The following ABCA13 variants were observed in gnomAD, a reference collection of about 807,000 sequenced individuals.
The protein encoded by ABCA13 is ATP-binding cassette sub-family A member 13.
ABCA13 carries 476 observed loss-of-function variants against 478.7 expected under a neutral mutation model. The observed-to-expected ratio is 0.99, with a 90% CI of 0.92 to 1.07. ABCA13 has a LOEUF of 1.07. ABCA13 is among the 50% of genes least tolerant of loss of function. The pLI is 0.00. For synonymous variants in ABCA13, 2,252 were observed against 2,158.9 expected, an observed-to-expected ratio of 1.04 and a Z score of -1.20; for missense variants, 6,060 against 5,910.6, an observed-to-expected ratio of 1.03 and a Z score of -0.83.
At chr7:48,540,797 G>A (rs971837746) in intron 55 of ABCA13, among the ~76,000 whole-genome samples, 1 of 151,980 alleles carries the variant, frequency 6.6e-6, no homozygotes, top group Non-Finnish European at 1.5e-5. Context: ...CTGTAGTTTG[G>A]CTCAGAGCAT....
chr7:48,403,929 A>G lies in ABCA13; in HGVS notation c.12070+50A>G, dbSNP rs201634311. On this transcript the variant is annotated intron_variant, in intron 39 of 61. Coordinates refer to ENST00000435803, the MANE Select transcript of ABCA13 (RefSeq NM_152701.5). ...TTCTCTTCCCACAATATTGTGTTGCAGGAAATGCATTGCTACTGTACAGTA... is the reference window on the plus strand; with the variant it reads ...TTCTCTTCCCACAATATTGTGTTGCGGGAAATGCATTGCTACTGTACAGTA... The G allele has an allele frequency of 5.4e-4, 851 of 1,565,860 alleles. 1 individual carries two copies. Among genetic ancestry groups the G allele is most frequent in the Admixed American group, 7.4e-4 (40 of 54,362 alleles).
intron 15 of ABCA13, among the ~76,000 whole-genome samples, chr7:48,252,134 C>T (rs541574457): frequency 2.0e-5 from 3 of 152,148 alleles, no homozygotes; most frequent in South Asian, 2.1e-4. Context: ...CTCTTTTTCT[C>T]GTCTTCTGCA....
chr7:48,394,340 G>C (rs1321010256), intron 38 of ABCA13, among the ~76,000 whole-genome samples: 2 of 152,114 alleles, frequency 1.3e-5, no homozygotes, highest in African/African-American at 4.8e-5. Flanking sequence ...CTGGTCTTAT[G>C]GTGGATCCCT....
intron 55 of ABCA13, among the ~76,000 whole-genome samples, chr7:48,541,159 G>A (rs1036814248): frequency 6.6e-6 from 1 of 152,082 alleles, no homozygotes; most frequent in Non-Finnish European, 1.5e-5. Context: ...TCTAAAAATT[G>A]GAGACAAGTT....
chr7:48,463,739 A>G (rs1157993529), intron 43 of ABCA13, among the ~76,000 whole-genome samples: 2 of 150,792 alleles, frequency 1.3e-5, no homozygotes, highest in Non-Finnish European at 3.0e-5. Context: ...TAGGGAAGGA[A>G]GGAATAAAGA....
intron 5 of ABCA13, among the ~76,000 whole-genome samples, chr7:48,225,822 G>T (rs1444835916): frequency 1.3e-5 from 2 of 152,214 alleles, no homozygotes; most frequent in Non-Finnish European, 2.9e-5. Context: ...ATGCTCTTGA[G>T]GGGTGGGAGA....
intron 3 of ABCA13, among the ~76,000 whole-genome samples, chr7:48,217,951 A>C (rs1279446042): frequency 6.6e-6 from 1 of 152,126 alleles, no homozygotes; most frequent in African/African-American, 2.4e-5. Context: ...ACTGCTCTCC[A>C]CCCAAATCCT....
intron 55 of ABCA13, among the ~76,000 whole-genome samples, chr7:48,531,990 T>A (rs1440798114): frequency 6.6e-6 from 1 of 152,072 alleles, no homozygotes; most frequent in Non-Finnish European, 1.5e-5. Context: ...TGCTCTTTAT[T>A]TTTTTCTCCT....
At chr7:48,602,928 T>G (rs1791064662) in intron 58 of ABCA13, among the ~76,000 whole-genome samples, 1 of 152,206 alleles carries the variant, frequency 6.6e-6, no homozygotes, top group African/African-American at 2.4e-5. Context: ...GTAGTTGTCC[T>G]TGAAGAGGTA....
At chr7:48,580,636 C>G (rs1186035285) in intron 56 of ABCA13, among the ~76,000 whole-genome samples, 1 of 152,200 alleles carries the variant, frequency 6.6e-6, no homozygotes, top group African/African-American at 2.4e-5. Flanking sequence ...TCATTTATAA[C>G]TTTGTATCCC....
chr7:48,417,615 C>T (rs751943555), intron 41 of ABCA13, among the ~76,000 whole-genome samples: 7 of 152,230 alleles, frequency 4.6e-5, no homozygotes, highest in Non-Finnish European at 7.4e-5. Flanking sequence ...CTCCCTTGCC[C>T]CCAGCCTCCT....
intron 15 of ABCA13, among the ~76,000 whole-genome samples, chr7:48,249,814 C>T (rs1171957484): frequency 6.6e-6 from 1 of 152,192 alleles, no homozygotes; most frequent in African/African-American, 2.4e-5. Context: ...ACTGCTGTGA[C>T]CATATGTGTG....
rs11357239 is a variant in ABCA13, at chr7:48,372,515, TAAAA to T, written c.11133+33_11133+36del. The T allele has an allele frequency of 0.026, 31,030 of 1,191,542 alleles. 91 individuals carry two copies. The highest frequency in any genetic ancestry group is 0.03 in the Non-Finnish European group (26,881 of 894,444). The allele number at this position is 1,191,542 out of a possible 1,614,324, so 73.8% of individuals were successfully genotyped here. ...CATTTCTGGTAAGTAAGTTGTTTTG[TAAAA>T]AAAAAAAAAAAAAACAACAAAATTG... On this transcript the variant is annotated intron_variant, in intron 33 of 61. Transcript: ENST00000435803.
intron 55 of ABCA13, among the ~76,000 whole-genome samples, chr7:48,556,551 G>A (rs1257190315): frequency 1.3e-5 from 2 of 151,898 alleles, no homozygotes; most frequent in Non-Finnish European, 2.9e-5. Context: ...TTATCGTGAT[G>A]TAATGACCTT....
At chr7:48,348,220 C>T (rs1274928917) in intron 29 of ABCA13, among the ~76,000 whole-genome samples, 2 of 152,144 alleles carry the variant, frequency 1.3e-5, no homozygotes, top group African/African-American at 2.4e-5. Flanking sequence ...GTGGGCCTTA[C>T]AGTGGCTCGG....
At chr7:48,552,949 C>G (rs1193073849) in intron 55 of ABCA13, among the ~76,000 whole-genome samples, 1 of 151,564 alleles carries the variant, frequency 6.6e-6, no homozygotes, top group Admixed American at 6.6e-5. Flanking sequence ...TAATCATCCC[C>G]ACTTCCCTCC....
chr7:48,356,016 C>G (rs1280046884), intron 31 of ABCA13, among the ~76,000 whole-genome samples: 1 of 151,736 alleles, frequency 6.6e-6, no homozygotes, highest in Non-Finnish European at 1.5e-5. Context: ...AGGGCCGAGA[C>G]CAAATGTGGG....
intron 27 of ABCA13, among the ~76,000 whole-genome samples, chr7:48,325,398 T>G (rs1252310744): frequency 6.6e-6 from 1 of 152,180 alleles, no homozygotes; most frequent in Non-Finnish European, 1.5e-5. Flanking sequence ...CTCATGCCCT[T>G]AGATTAGCTT....
chr7:48,281,664 G>C (rs1274973069), intron 19 of ABCA13, among the ~76,000 whole-genome samples: 1 of 150,862 alleles, frequency 6.6e-6, no homozygotes, highest in Non-Finnish European at 1.5e-5. Context: ...GCCCGTTCCT[G>C]CGCCTTTGCT....
Sources: gnomAD v4.1 joint callset for allele counts (sites outside exome capture counted in the v4.1 genomes callset) on GRCh38, gnomAD v4.1.1 for gene constraint, MANE v1.5 for transcripts, NCBI Gene and HGNC (gene_info 2026-07-23, HGNC 2026-07-21) for gene names.